ADAMTS3: variants seen among roughly 807,000 people sequenced by gnomAD.
ADAMTS3 encodes A disintegrin and metalloproteinase with thrombospondin motifs 3.
In ADAMTS3, 73 loss-of-function variants were observed where a neutral mutation model predicts 129.0. The observed-to-expected ratio is 0.57, with a 90% CI of 0.47 to 0.69. ADAMTS3 has a LOEUF of 0.69. Among genes scored for constraint, ADAMTS3 ranks in the 30% least tolerant of loss-of-function variants. The pLI is 0.00. For synonymous variants in ADAMTS3, 477 were observed against 510.8 expected (o/e 0.93, Z 0.89); for missense variants, 1,457 against 1,514.5 (o/e 0.96, Z 0.63).
At chr4:72,469,078 A>T (rs544703484) in intron 3 of ADAMTS3, among the ~76,000 whole-genome samples, 1 of 149,728 alleles carries the variant, frequency 6.7e-6, no homozygotes, top group Admixed American at 6.6e-5. Context: ...ATCATTATCA[A>T]CTTAACAAAT....
intron 3 of ADAMTS3, among the ~76,000 whole-genome samples, chr4:72,523,286 T>C (rs1720722930): frequency 6.6e-6 from 1 of 152,098 alleles, no homozygotes; most frequent in Non-Finnish European, 1.5e-5. Flanking sequence ...CCCAGAGTAA[T>C]ATCTCTTTGT....
At chr4:72,293,829 A>G (rs1578557135) in intron 19 of ADAMTS3, among the ~76,000 whole-genome samples, 1 of 152,270 alleles carries the variant, frequency 6.6e-6, no homozygotes, top group East Asian at 1.9e-4. Context: ...GAAACAGGAA[A>G]TGAATCCTTG....
In ADAMTS3 at chr4:72,312,453, C is replaced by A. The variant is rs1249280458; in HGVS notation, c.1759G>T (p.Gly587Cys). ...QCNNPMPINGGQDCPGVNFEY... is the reference protein window; with the variant it reads ...QCNNPMPINGCQDCPGVNFEY... ...AAATTAACACCAGGACAATCCTGAC[C>A]ACCATTGATGGGCCTAAAGAAAAGA... The change falls in exon 13 of 22, where the codon GGT becomes TGT. Residue 587 changes from glycine to cysteine, a missense_variant. Transcript: ENST00000286657. 6.2e-7 allele frequency: 1 copy of A among 1,613,338 alleles called. No homozygotes were observed. Among genetic ancestry groups the A allele is most frequent in the Admixed American group, 1.7e-5 (1 of 59,934 alleles).
At chr4:72,391,216 AT>A (rs1217989701) in intron 4 of ADAMTS3, among the ~76,000 whole-genome samples, 24 of 152,284 alleles carry the variant, frequency 1.6e-4, no homozygotes, top group Non-Finnish European at 1.3e-4. Flanking sequence ...TTTTTGTGTA[AT>A]TTGTGTATAT....
intron 19 of ADAMTS3, among the ~76,000 whole-genome samples, chr4:72,293,348 A>C (rs2109775033): frequency 6.6e-6 from 1 of 152,288 alleles, no homozygotes; most frequent in East Asian, 1.9e-4. Flanking sequence ...CCTCCAACGC[A>C]GAAGACATGA....
chr4:72,528,107 T>C (rs1310339201), intron 3 of ADAMTS3, among the ~76,000 whole-genome samples: 2 of 152,132 alleles, frequency 1.3e-5, no homozygotes, highest in Non-Finnish European at 2.9e-5. Context: ...CAAGTTGCTG[T>C]AGTAATAACA....
At chr4:72,460,625 TAAAAGA>T (rs1718741207) in intron 3 of ADAMTS3, among the ~76,000 whole-genome samples, 1 of 151,234 alleles carries the variant, frequency 6.6e-6, no homozygotes, top group Admixed American at 6.6e-5. Context: ...TGCCTAAAAT[TAAAAGA>T]AAAACTAAAA....
intron 4 of ADAMTS3, among the ~76,000 whole-genome samples, chr4:72,411,018 C>A (rs1486593807): frequency 2.6e-5 from 4 of 152,056 alleles, no homozygotes; most frequent in Non-Finnish European, 5.9e-5. Flanking sequence ...TTTATATTGC[C>A]AAATGTAAAA....
chr4:72,363,000 G>C (rs1266784189), intron 4 of ADAMTS3, among the ~76,000 whole-genome samples: 1 of 152,020 alleles, frequency 6.6e-6, no homozygotes, highest in Non-Finnish European at 1.5e-5. Flanking sequence ...ATGAATGACA[G>C]TAACAGCCAT....
chr4:72,526,781 CAGAGAGAGAG>C (rs367563051), intron 3 of ADAMTS3, among the ~76,000 whole-genome samples: 1 of 91,862 alleles, frequency 1.1e-5, no homozygotes, highest in Non-Finnish European at 2.2e-5. Flanking sequence ...TATATATAGA[CAGAGAGAGAG>C]AGAGAGAGAG....
chr4:72,405,834 T>G (rs1456347369), intron 4 of ADAMTS3, among the ~76,000 whole-genome samples: 1 of 152,084 alleles, frequency 6.6e-6, no homozygotes, highest in Non-Finnish European at 1.5e-5. Context: ...TACAGGATTT[T>G]TACATACAGA....
At chr4:72,512,304 C>G (rs1248731836) in intron 3 of ADAMTS3, among the ~76,000 whole-genome samples, 1 of 151,984 alleles carries the variant, frequency 6.6e-6, no homozygotes, top group Non-Finnish European at 1.5e-5. Flanking sequence ...CCAGCCTGGC[C>G]AATATGGTGA....
At chr4:72,292,095 T>C (rs1408298330) in intron 19 of ADAMTS3, among the ~76,000 whole-genome samples, 1 of 152,184 alleles carries the variant, frequency 6.6e-6, no homozygotes, top group Non-Finnish European at 1.5e-5. Flanking sequence ...GTGTTAAACA[T>C]CTGACAGTGA....
At position 72,435,727 on chromosome 4, in the gene ADAMTS3, A is replaced by G. The variant is rs1292205089; in HGVS notation, c.505-20756T>C. Among the ~76,000 whole-genome samples the G allele has an allele frequency of 2.6e-5, 4 of 152,030 alleles. No homozygotes were observed. The East Asian group carries it at 7.8e-4, about 30-fold the overall frequency. ...CATCTACAACCATCTGATCTTTGAC[A>G]AACCTGATAAAAATAGGAAATGGGG... On this transcript the variant is annotated intron_variant, in intron 3 of 21. Coordinates refer to ENST00000286657, the MANE Select transcript of ADAMTS3 (RefSeq NM_014243.3).
In ADAMTS3 at chr4:72,447,040, GA is replaced by G. The variant is rs145378788; in HGVS notation, c.505-32070del. Among the ~76,000 whole-genome samples, 819 of 151,750 alleles carry G rather than the reference GA, an allele frequency of 5.4e-3. 11 individuals are homozygous for G. The highest frequency in any genetic ancestry group is 0.019 in the African/African-American group (781 of 41,480). On this transcript the variant is annotated intron_variant, in intron 3 of 21. Coordinates refer to ENST00000286657, the MANE Select transcript of ADAMTS3 (RefSeq NM_014243.3). ...CAGTAAATACAATAAAGATAATTCA[GA>G]GCTATCTAAAGCAATTATAAACATT... is the stretch of plus-strand genomic sequence containing the variant.
At chr4:72,515,452 A>G (rs1486925874) in intron 3 of ADAMTS3, among the ~76,000 whole-genome samples, 1 of 151,802 alleles carries the variant, frequency 6.6e-6, no homozygotes, top group African/African-American at 2.4e-5. Flanking sequence ...AGTCCTACCA[A>G]CAGTGTAAAA....
At chr4:72,424,245 A>G (rs887901397) in intron 3 of ADAMTS3, among the ~76,000 whole-genome samples, 8 of 152,104 alleles carry the variant, frequency 5.3e-5, no homozygotes, top group Non-Finnish European at 1.0e-4. Flanking sequence ...ATAAACGATA[A>G]TGCCATCTGA....
intron 3 of ADAMTS3, among the ~76,000 whole-genome samples, chr4:72,433,726 A>G (rs1235353442): frequency 6.6e-6 from 1 of 151,902 alleles, no homozygotes; most frequent in Non-Finnish European, 1.5e-5. Context: ...GGTAATAGTA[A>G]GCTTACATAT....
chr4:72,283,651 G>A lies in ADAMTS3; in HGVS notation c.3103C>T (p.Arg1035Ter), dbSNP rs746751399. The A allele has an allele frequency of 3.1e-6, 5 of 1,611,946 alleles. No homozygotes were observed. The highest frequency in any genetic ancestry group is 2.2e-5 in the East Asian group (1 of 44,808). ...SIFCQMEVLARYCSIPGYNKL... is the reference protein window; with the variant it reads ...SIFCQMEVLA ...TTATAACCTGGTATGGAGCAGTATCGTGCCAACACTTCCATTTGACAGAAT... is the reference window on the plus strand; with the variant it reads ...TTATAACCTGGTATGGAGCAGTATCATGCCAACACTTCCATTTGACAGAAT... The change falls in exon 22 of 22, where the codon CGA becomes TGA. Residue 1035 changes from arginine (R) to a stop codon, truncating the protein, a stop_gained. Coordinates refer to ENST00000286657, the MANE Select transcript of ADAMTS3 (RefSeq NM_014243.3). LOFTEE classifies it low-confidence loss of function (END_TRUNC).
Sources: gnomAD v4.1 joint callset for allele counts (sites outside exome capture counted in the v4.1 genomes callset) on GRCh38, gnomAD v4.1.1 for gene constraint, MANE v1.5 for transcripts, NCBI Gene and HGNC (gene_info 2026-07-23, HGNC 2026-07-21) for gene names.